Variants in MCTP1 observed in about 807,000 individuals in gnomAD.
MCTP1 encodes the protein multiple C2 and transmembrane domain containing 1, also known as multiple C2 and transmembrane domain-containing protein 1.
MCTP1 carries 69 observed loss-of-function variants against 120.6 expected under a neutral mutation model. That is an observed-to-expected ratio of 0.57 (90% CI 0.47 to 0.70). The LOEUF is 0.70. Ranked by LOEUF, MCTP1 falls within the 30% of genes least tolerant of loss-of-function variation. The pLI is 0.00. For missense variants in MCTP1, 1,203 were observed against 1,248.8 expected (o/e 0.96, Z 0.55); for synonymous variants, 529 against 493.1 (o/e 1.07, Z -0.96).
intron 5 of MCTP1, among the ~76,000 whole-genome samples, chr5:94,934,684 T>C (rs1815710645): frequency 6.6e-6 from 1 of 151,594 alleles, no homozygotes; most frequent in Non-Finnish European, 1.5e-5. Context: ...TTTCTTCAAA[T>C]GTTGGCTGTG....
chr5:94,816,891 A>G (rs533180676), intron 17 of MCTP1, among the ~76,000 whole-genome samples: 1 of 152,276 alleles, frequency 6.6e-6, no homozygotes, highest in East Asian at 1.9e-4. Context: ...AATGTACTCT[A>G]AAAATTTCTC....
intron 2 of MCTP1, among the ~76,000 whole-genome samples, chr5:94,995,033 C>T (rs539985625): frequency 6.6e-6 from 1 of 152,302 alleles, no homozygotes; most frequent in African/African-American, 2.4e-5. Flanking sequence ...GACTGGCTTC[C>T]TTGCTCCTCA....
intron 17 of MCTP1, chr5:94,826,280 A>G (rs1416205575): frequency 2.1e-6 from 1 of 486,172 alleles, no homozygotes; most frequent in Non-Finnish European, 3.8e-6. Context: ...CCCCCATGCA[A>G]TATATGGCTT....
chr5:95,051,584 G>T (rs1407877675), intron 1 of MCTP1, among the ~76,000 whole-genome samples: 1 of 152,106 alleles, frequency 6.6e-6, no homozygotes, highest in Non-Finnish European at 1.5e-5. Flanking sequence ...CTGAGCTCTT[G>T]TTCTCTGCCA....
At chr5:94,766,570 C>T (rs897346783) in intron 19 of MCTP1, among the ~76,000 whole-genome samples, 27 of 151,856 alleles carry the variant, frequency 1.8e-4, no homozygotes, top group African/African-American at 6.3e-4. Flanking sequence ...ATACCTAATG[C>T]TAAATGACGA....
chr5:94,763,243 TTCA>T (rs910696587), intron 19 of MCTP1, among the ~76,000 whole-genome samples: 4 of 152,226 alleles, frequency 2.6e-5, no homozygotes, highest in South Asian at 2.1e-4. Context: ...AAGCACACAT[TTCA>T]TCATAACAAT....
intron 19 of MCTP1, among the ~76,000 whole-genome samples, chr5:94,775,896 T>C (rs1775184558): frequency 6.7e-6 from 1 of 149,016 alleles, no homozygotes; most frequent in South Asian, 2.1e-4. Flanking sequence ...GATTAGCTCT[T>C]TGAATAAAAA....
At chr5:94,735,546 G>A (rs1764031743) in intron 19 of MCTP1, among the ~76,000 whole-genome samples, 1 of 151,936 alleles carries the variant, frequency 6.6e-6, no homozygotes, top group Admixed American at 6.6e-5. Flanking sequence ...TAAAGCGCTG[G>A]GATTATAGGC....
chr5:94,838,585 GA>G (rs1384197889), intron 17 of MCTP1, among the ~76,000 whole-genome samples: 1 of 152,184 alleles, frequency 6.6e-6, no homozygotes, highest in Non-Finnish European at 1.5e-5. Context: ...AGACTGGGCA[GA>G]AAGGGCATCT....
intron 17 of MCTP1, among the ~76,000 whole-genome samples, chr5:94,812,217 G>C (rs1374734872): frequency 2.0e-5 from 3 of 152,272 alleles, no homozygotes; most frequent in African/African-American, 7.2e-5. Flanking sequence ...ACTCTCACAT[G>C]ATGATCCTCA....
rs1200504116 is a variant in MCTP1, at chr5:95,133,788, A to G, written c.721-116304T>C. 2.6e-5 allele frequency among the ~76,000 whole-genome samples: 4 copies of G among 152,258 alleles called. No individual in the cohort carries two copies. The East Asian group carries it at 5.8e-4, about 22-fold the overall frequency. On this transcript the variant is annotated intron_variant, in intron 1 of 22. Transcript: ENST00000515393. The stretch of plus-strand genomic sequence containing the variant: ...TTAACCATGGGTGACTGAAACTGGA[A>G]AGTGAAGCCACAGATAAGCAGGGAC...
intron 10 of MCTP1, among the ~76,000 whole-genome samples, chr5:94,907,513 A>T (rs1289168630): frequency 6.6e-6 from 1 of 152,118 alleles, no homozygotes; most frequent in Non-Finnish European, 1.5e-5. Flanking sequence ...GCTTCCACAG[A>T]TACCTGGAAT....
At chr5:95,034,893 A>T (rs1470964961) in intron 1 of MCTP1, among the ~76,000 whole-genome samples, 1 of 152,186 alleles carries the variant, frequency 6.6e-6, no homozygotes, top group South Asian at 2.1e-4. Context: ...AAATAACTCC[A>T]TTAAAAAGTG....
intron 1 of MCTP1, among the ~76,000 whole-genome samples, chr5:95,094,118 G>A (rs2152347611): frequency 6.6e-6 from 1 of 152,318 alleles, no homozygotes; most frequent in African/African-American, 2.4e-5. Context: ...GAAGATTGAG[G>A]TACAAAATAA....
At chr5:94,866,019 T>A (rs550164414) in intron 17 of MCTP1, among the ~76,000 whole-genome samples, 1 of 152,058 alleles carries the variant, frequency 6.6e-6, no homozygotes, top group African/African-American at 2.4e-5. Context: ...CAATGATTGA[T>A]AAGGAATTAT....
Position 95,284,553 on chromosome 5 carries a change from G to A in MCTP1, c.23C>T (p.Ala8Val). The A allele has an allele frequency of 6.9e-7, 1 of 1,449,986 alleles. No homozygotes were observed. The allele number at this position is 1,449,986 out of a possible 1,614,324, so 89.8% of individuals were successfully genotyped here. A position where few individuals can be genotyped will look rare whatever the true frequency, so the allele number is the denominator to read the frequency against. ...CGCCGCCGGCGGCTCTGGCTCGCCCGCCGCGGCAGCCCGGGGCTCCATCCT... is the reference window on the plus strand; with the variant it reads ...CGCCGCCGGCGGCTCTGGCTCGCCCACCGCGGCAGCCCGGGGCTCCATCCT... MEPRAAA[A>V]GEPEPPAASS... The change falls in exon 1 of 23, where the codon GCG becomes GTG. Residue 8 changes from alanine to valine, a missense_variant. By Grantham distance (64) the Ala-to-Val change is moderately conservative (BLOSUM62 0). Transcript: ENST00000515393. The surrounding 1 kb of genome is among the most constrained non-coding windows in gnomAD (Gnocchi z 5.2).
chr5:95,004,642 C>T (rs565157043), intron 2 of MCTP1, among the ~76,000 whole-genome samples: 2 of 152,194 alleles, frequency 1.3e-5, no homozygotes, highest in Non-Finnish European at 2.9e-5. Flanking sequence ...CAGGCTGCTG[C>T]TACAGAGAGT....
chr5:95,054,283 C>T (rs1746782692), intron 1 of MCTP1, among the ~76,000 whole-genome samples: 7 of 152,154 alleles, frequency 4.6e-5, no homozygotes, highest in Admixed American at 4.6e-4. Context: ...AAATGCAATA[C>T]ATCGTATCTA....
chr5:95,125,749 C>T (rs1402183635), intron 1 of MCTP1, among the ~76,000 whole-genome samples: 5 of 152,132 alleles, frequency 3.3e-5, no homozygotes, highest in Admixed American at 1.3e-4. Context: ...ACAGTAAATG[C>T]ACAATCAGGG....
Sources: allele counts gnomAD v4.1 joint callset (sites outside exome capture counted in the v4.1 genomes callset), GRCh38; gene constraint gnomAD v4.1.1; non-coding constraint Gnocchi (gnomAD v3.1); transcripts MANE v1.5; gene names NCBI Gene and HGNC (gene_info 2026-07-23, HGNC 2026-07-21).